Variants in PPARG observed in about 807,000 individuals in gnomAD.
PPARG encodes the protein peroxisome proliferator activated receptor gamma, also known as peroxisome proliferator-activated receptor gamma.
PPARG carries 17 observed loss-of-function variants against 39.2 expected under a neutral mutation model. The ratio of observed to expected loss-of-function variants is 0.43; its 90% CI spans 0.30 to 0.65. The LOEUF (loss-of-function observed/expected upper bound fraction) is 0.65. PPARG is among the 30% of genes least tolerant of loss of function. PPARG has a pLI of 0.13. For missense variants in PPARG, 406 were observed against 585.9 expected (o/e 0.69, Z 3.17); for synonymous variants, 223 against 215.7 (o/e 1.03, Z -0.30).
intron 2 of PPARG, among the ~76,000 whole-genome samples, chr3:12,355,104 A>G (rs2048619487): frequency 6.6e-6 from 1 of 152,156 alleles, no homozygotes; most frequent in Admixed American, 6.5e-5. Flanking sequence ...CTGAAGTAGA[A>G]GTCCAGAAAA....
At chr3:12,398,483 A>C (rs959649536) in intron 5 of PPARG, among the ~76,000 whole-genome samples, 5 of 152,252 alleles carry the variant, frequency 3.3e-5, no homozygotes, top group Non-Finnish European at 7.3e-5. Flanking sequence ...TAGAGTATCC[A>C]GCAACTACGT....
chr3:12,317,124 C>G (rs2047411459), intron 2 of PPARG, among the ~76,000 whole-genome samples: 1 of 152,092 alleles, frequency 6.6e-6, no homozygotes, highest in Non-Finnish European at 1.5e-5. Flanking sequence ...TCAGTCCTGC[C>G]CTCTGTAAAT....
At chr3:12,322,796 G>T (rs532249702) in intron 2 of PPARG, among the ~76,000 whole-genome samples, 242 of 151,928 alleles carry the variant, frequency 1.6e-3, no homozygotes, top group Non-Finnish European at 2.7e-3. Context: ...GGGTTTTTTT[G>T]TTTGTTTGTT....
At chr3:12,304,706 G>C (rs2047015243) in intron 1 of PPARG, among the ~76,000 whole-genome samples, 1 of 152,146 alleles carries the variant, frequency 6.6e-6, no homozygotes, top group Non-Finnish European at 1.5e-5. Flanking sequence ...AATATTTATT[G>C]AATATTGTTG....
chr3:12,316,659 T>C (rs1574977592), intron 2 of PPARG, among the ~76,000 whole-genome samples: 1 of 152,058 alleles, frequency 6.6e-6, no homozygotes, highest in East Asian at 1.9e-4. Flanking sequence ...TTCCACTTCA[T>C]TGCCAGGGTG....
intron 1 of PPARG, among the ~76,000 whole-genome samples, chr3:12,307,246 T>A (rs2047097574): frequency 6.6e-6 from 1 of 151,800 alleles, no homozygotes; most frequent in African/African-American, 2.4e-5. Context: ...GTCAGTGTTG[T>A]AAAAAATCTG....
intron 2 of PPARG, among the ~76,000 whole-genome samples, chr3:12,353,016 G>T (rs1039767304): frequency 6.6e-6 from 1 of 152,186 alleles, no homozygotes; most frequent in Non-Finnish European, 1.5e-5. Flanking sequence ...AACATGTCTA[G>T]AATGCAGTGC....
At chr3:12,342,448 G>A (rs1359875734) in intron 2 of PPARG, among the ~76,000 whole-genome samples, 1 of 152,186 alleles carries the variant, frequency 6.6e-6, no homozygotes, top group Non-Finnish European at 1.5e-5. Context: ...TTTGGGGTCA[G>A]CTGGGGAAAT....
At chr3:12,319,515 T>C (rs2047479910) in intron 2 of PPARG, among the ~76,000 whole-genome samples, 1 of 152,188 alleles carries the variant, frequency 6.6e-6, no homozygotes, top group Admixed American at 6.5e-5. Context: ...AAGCAATCTA[T>C]TATGAATACG....
intron 2 of PPARG, among the ~76,000 whole-genome samples, chr3:12,357,530 C>T (rs2048708894): frequency 6.6e-6 from 1 of 152,244 alleles, no homozygotes; most frequent in East Asian, 1.9e-4. Flanking sequence ...CTCCCCATTG[C>T]CCTTCCTCCT....
chr3:12,346,697 C>T (rs1039947927), intron 2 of PPARG, among the ~76,000 whole-genome samples: 1 of 151,578 alleles, frequency 6.6e-6, no homozygotes, highest in East Asian at 1.9e-4. Flanking sequence ...TGCAGTGATG[C>T]GATTACAGCT....
At chr3:12,305,561 T>C (rs529477455) in intron 1 of PPARG, among the ~76,000 whole-genome samples, 1 of 152,352 alleles carries the variant, frequency 6.6e-6, no homozygotes, top group South Asian at 2.1e-4. Flanking sequence ...CAGCATCTAA[T>C]TTTTTATTAC....
chr3:12,382,353 A>AT (rs1402809075), intron 4 of PPARG, among the ~76,000 whole-genome samples: 1 of 152,230 alleles, frequency 6.6e-6, no homozygotes, highest in Non-Finnish European at 1.5e-5. Flanking sequence ...ATCCACTCAT[A>AT]TTTTGATATG....
At chr3:12,330,537 A>G (rs537482334) in intron 2 of PPARG, among the ~76,000 whole-genome samples, 2 of 152,178 alleles carry the variant, frequency 1.3e-5, no homozygotes, top group Non-Finnish European at 2.9e-5. Flanking sequence ...ATTTTCTCCC[A>G]TATTTCTCCA....
intron 2 of PPARG, among the ~76,000 whole-genome samples, chr3:12,320,610 T>G (rs1361253037): frequency 6.6e-6 from 1 of 152,118 alleles, no homozygotes; most frequent in African/African-American, 2.4e-5. Context: ...GTGGGTGGGT[T>G]ACACCTGTAA....
chr3:12,411,727 T>G (rs1465792201), intron 6 of PPARG, among the ~76,000 whole-genome samples: 1 of 152,060 alleles, frequency 6.6e-6, no homozygotes, highest in Non-Finnish European at 1.5e-5. Context: ...TGAAGACCCC[T>G]TATGTCCTAT....
chr3:12,417,008 T>C lies in PPARG; in HGVS notation c.1034T>C (p.Phe345Ser), dbSNP rs750726364. ...GTTCTCATATCCGAGGGCCAAGGCTTCATGACAAGGGAGTTTCTAAAGAGC... is the reference window on the plus strand; with the variant it reads ...GTTCTCATATCCGAGGGCCAAGGCTCCATGACAAGGGAGTTTCTAAAGAGC... ...DGVLISEGQG[F>S]MTREFLKSLR... Residue 345 changes from phenylalanine to serine, a missense_variant, in exon 7 of 8, where the codon TTC (phenylalanine) becomes TCC (serine). Phe to Ser is a radical substitution (Grantham distance 155). Transcript: ENST00000651735. 6.2e-7 allele frequency: 1 copy of C among 1,613,970 alleles called. No individual in the cohort carries two copies. The highest frequency in any genetic ancestry group is 8.5e-7 in the Non-Finnish European group (1 of 1,179,928).
intron 6 of PPARG, among the ~76,000 whole-genome samples, chr3:12,414,105 T>C (rs1264323433): frequency 6.6e-6 from 1 of 152,170 alleles, no homozygotes; most frequent in African/African-American, 2.4e-5. Context: ...TCCAGATAAA[T>C]CACTTACATG....
intron 2 of PPARG, among the ~76,000 whole-genome samples, chr3:12,358,758 C>T (rs1040924256): frequency 7.2e-5 from 11 of 152,202 alleles, no homozygotes; most frequent in African/African-American, 2.4e-4. Flanking sequence ...GATACAGTCA[C>T]ATTTCTAGCC....
Sources: gnomAD v4.1 joint callset for allele counts (sites outside exome capture counted in the v4.1 genomes callset) on GRCh38, gnomAD v4.1.1 for gene constraint, MANE v1.5 for transcripts, NCBI Gene and HGNC (gene_info 2026-07-23, HGNC 2026-07-21) for gene names.